Variants in PALD1 observed in about 807,000 individuals in gnomAD.
PALD1 encodes paladin.
Under a neutral mutation model 96.0 loss-of-function variants are expected in PALD1, and 57 were observed. The ratio of observed to expected loss-of-function variants is 0.59; its 90% confidence interval spans 0.48 to 0.74. PALD1 has a LOEUF of 0.74. Among genes scored for constraint, PALD1 ranks in the 30% least tolerant of loss-of-function variants. The pLI is 0.00. For synonymous variants in PALD1, 464 were observed against 473.6 expected (o/e 0.98, Z 0.26); for missense variants, 1,063 against 1,143.7 (o/e 0.93, Z 1.02).
chr10:70,461,994 T>C, the PALD1 span, among the ~76,000 whole-genome samples: 1 of 152,278 alleles, frequency 6.6e-6, no homozygotes, highest in South Asian at 2.1e-4. Context: ...AGTTTCACCA[T>C]GTTGCCCAGG....
At chr10:70,527,672 G>A (rs1367756176) in intron 2 of PALD1, among the ~76,000 whole-genome samples, 5 of 152,218 alleles carry the variant, frequency 3.3e-5, no homozygotes, top group Non-Finnish European at 7.3e-5. Flanking sequence ...GGGAGGTAGA[G>A]AGATTTGCTC....
intron 18 of PALD1, among the ~76,000 whole-genome samples, chr10:70,553,535 G>A (rs141577938): frequency 8.5e-5 from 13 of 152,214 alleles, no homozygotes; most frequent in African/African-American, 3.1e-4. Flanking sequence ...GAAGTAGTCC[G>A]AGAGGTGCCC....
chr10:70,548,519 GC>G (rs1847413130), intron 18 of PALD1, among the ~76,000 whole-genome samples: 1 of 152,140 alleles, frequency 6.6e-6, no homozygotes, highest in African/African-American at 2.4e-5. Flanking sequence ...TTCCTCTCTG[GC>G]CCATTGAATC....
chr10:70,541,833 G>A (rs1847255429), intron 17 of PALD1, among the ~76,000 whole-genome samples: 1 of 152,150 alleles, frequency 6.6e-6, no homozygotes, highest in Admixed American at 6.5e-5. Flanking sequence ...TCTTGTCTGG[G>A]TAATGTTGAT....
intron 1 of PALD1, among the ~76,000 whole-genome samples, chr10:70,517,135 C>T (rs1296465175): frequency 6.6e-6 from 1 of 152,126 alleles, no homozygotes; most frequent in African/African-American, 2.4e-5. Context: ...GAAGGAGGTG[C>T]TACTGTTGTT....
chr10:70,499,648 C>A (rs754155329), intron 1 of PALD1, among the ~76,000 whole-genome samples: 12 of 152,278 alleles, frequency 7.9e-5, no homozygotes, highest in Non-Finnish European at 1.6e-4. Context: ...CCCTGCTCCT[C>A]CCTCTGCCAC....
At chr10:70,523,499 G>C (rs1457731929) in intron 1 of PALD1, among the ~76,000 whole-genome samples, 1 of 152,200 alleles carries the variant, frequency 6.6e-6, no homozygotes, top group Non-Finnish European at 1.5e-5. Context: ...CAGGGCTGGT[G>C]AGGTGGAGAG....
chr10:70,511,982 G>A (rs903173557), intron 1 of PALD1, among the ~76,000 whole-genome samples: 10 of 151,998 alleles, frequency 6.6e-5, no homozygotes, highest in East Asian at 1.9e-4. Flanking sequence ...AGCTGAGATC[G>A]CGCCATTGCA....
At chr10:70,466,800 G>T in the PALD1 span, among the ~76,000 whole-genome samples, 1 of 152,146 alleles carries the variant, frequency 6.6e-6, no homozygotes, top group African/African-American at 2.4e-5. Context: ...GAATTTGAGG[G>T]GAGAAAGCAA....
intron 1 of PALD1, among the ~76,000 whole-genome samples, chr10:70,500,510 A>G (rs576211784): frequency 5.3e-5 from 8 of 152,240 alleles, no homozygotes; most frequent in Admixed American, 2.0e-4. Context: ...ACCTCTCTCT[A>G]TGCTGCTCCC....
In PALD1 at chr10:70,540,184, T is replaced by C. The variant is rs1847213717; in HGVS notation, c.1908+422T>C. 6.6e-6 allele frequency among the ~76,000 whole-genome samples: 1 copy of C among 151,518 alleles called. No individual in the cohort carries two copies. Among genetic ancestry groups the C allele is most frequent in the East Asian group, 1.9e-4 (1 of 5,192 alleles). On this transcript the variant is annotated intron_variant, in intron 15 of 19. Transcript: ENST00000263563. This position sits in a 1 kb window ranked among gnomAD's most constrained non-coding sequence, Gnocchi z 4.2. ...TACAGGTGTGTGTGTGTATTTGTTA[T>C]AAGGTGTGTGTGTGTGTTGAGGGTG...
At chr10:70,514,281 AG>A (rs879814594) in intron 1 of PALD1, among the ~76,000 whole-genome samples, 4 of 152,194 alleles carry the variant, frequency 2.6e-5, no homozygotes, top group Non-Finnish European at 4.4e-5. Flanking sequence ...GCTGGAAGTC[AG>A]GGCTGCCCCC....
At chr10:70,488,872 T>TCC (rs1846053907) in intron 1 of PALD1, among the ~76,000 whole-genome samples, 2 of 149,678 alleles carry the variant, frequency 1.3e-5, no homozygotes, top group African/African-American at 2.5e-5. Context: ...GGTGGATGTA[T>TCC]TCTGCTGCTG....
At chr10:70,478,312 C>CGGCCCGG (rs557795580), upstream of PALD1, among the ~76,000 whole-genome samples, 276 of 152,298 alleles carry the variant, frequency 1.8e-3, 3 homozygotes, top group South Asian at 9.3e-3. Flanking sequence ...ACAGCGAGGC[C>CGGCCCGG]GGCCCGGAGC....
At chr10:70,493,100 C>G (rs552774233) in intron 1 of PALD1, among the ~76,000 whole-genome samples, 1 of 152,212 alleles carries the variant, frequency 6.6e-6, no homozygotes, top group Admixed American at 6.5e-5. Flanking sequence ...TTGGCTCATT[C>G]CGGCCCTTTC....
At chr10:70,505,878 G>A (rs953402363) in intron 1 of PALD1, among the ~76,000 whole-genome samples, 20 of 151,928 alleles carry the variant, frequency 1.3e-4, no homozygotes, top group African/African-American at 4.1e-4. Flanking sequence ...AAAGTTAGCC[G>A]GGCATGGTGG....
chr10:70,556,976 T>C (rs575367460), intron 18 of PALD1, among the ~76,000 whole-genome samples: 1 of 152,264 alleles, frequency 6.6e-6, no homozygotes, highest in South Asian at 2.1e-4. Flanking sequence ...GTCTTTCTAG[T>C]GAGTGGATGG....
intron 4 of PALD1, 54 bp downstream of exon 4, chr10:70,530,122 G>T: frequency 2.1e-6 from 3 of 1,423,148 alleles, no homozygotes; most frequent in Non-Finnish European, 2.8e-6. Flanking sequence ...AGGGAGAGGG[G>T]CACCTTGGAG....
At chr10:70,516,876 G>A (rs1846630308) in intron 1 of PALD1, among the ~76,000 whole-genome samples, 1 of 147,184 alleles carries the variant, frequency 6.8e-6, no homozygotes, top group Non-Finnish European at 1.5e-5. Flanking sequence ...TTGTTAATGA[G>A]ATATTTTACT....
Sources: gnomAD v4.1 joint callset for allele counts (sites outside exome capture counted in the v4.1 genomes callset) on GRCh38, gnomAD v4.1.1 for gene constraint, Gnocchi (gnomAD v3.1) non-coding constraint, MANE v1.5 for transcripts, NCBI Gene and HGNC (gene_info 2026-07-23, HGNC 2026-07-21) for gene names.